Variants in DGKH observed in about 807,000 individuals in gnomAD.
DGKH encodes the protein diacylglycerol kinase eta.
Under a neutral mutation model 159.3 loss-of-function variants are expected in DGKH, and 90 were observed. That is an observed-to-expected ratio of 0.57 (90% CI 0.48 to 0.67). The LOEUF (loss-of-function observed/expected upper bound fraction) is 0.67. Among genes scored for constraint, DGKH ranks in the 30% least tolerant of loss-of-function variants. The probability of loss-of-function intolerance (pLI) is 0.00; values close to 1 mark genes in which losing one functional copy is unlikely to be tolerated. For synonymous variants in DGKH, 536 were observed against 553.8 expected (o/e 0.97, Z 0.45); for missense variants, 1,181 against 1,506.1 (o/e 0.78, Z 3.57).
intron 1 of DGKH, among the ~76,000 whole-genome samples, chr13:42,040,840 CG>C (rs1018409810): frequency 2.5e-4 from 36 of 146,710 alleles, no homozygotes; most frequent in African/African-American, 8.3e-4. Context: ...GGCGGGGACC[CG>C]GGTCTGCGCG....
upstream of DGKH, among the ~76,000 whole-genome samples, chr13:42,045,229 C>G (rs1307109044): frequency 6.6e-6 from 1 of 152,082 alleles, no homozygotes; most frequent in Admixed American, 6.5e-5. Flanking sequence ...GCCAGAGGAG[C>G]CTTTGAGCCC....
At chr13:42,053,725 TCTC>T (rs1238142699) in intron 1 of DGKH, among the ~76,000 whole-genome samples, 2 of 151,750 alleles carry the variant, frequency 1.3e-5, no homozygotes, top group Non-Finnish European at 2.9e-5. Flanking sequence ...TTCAAGCAAT[TCTC>T]CTGTCTCAGC....
chr13:42,178,070 C>A (rs1956650269), intron 12 of DGKH, 65 bp from the exon 13 acceptor site: 1 of 1,212,206 alleles, frequency 8.2e-7, no homozygotes, highest in South Asian at 1.7e-5. Flanking sequence ...ATTTCTGGAG[C>A]AGCAATAAGT....
chr13:42,204,811 A>T (rs1403519944), intron 20 of DGKH, among the ~76,000 whole-genome samples: 1 of 152,174 alleles, frequency 6.6e-6, no homozygotes, highest in Non-Finnish European at 1.5e-5. Context: ...ATTAAAGAAA[A>T]TATTGGTACT....
rs547369216 is a variant in DGKH at position 42,070,162 on chromosome 13, GCTT to G, written c.192+21203_192+21205del. The G allele has an allele frequency of 3.4e-4, 312 of 913,590 alleles. 2 individuals carry two copies. The highest frequency in any genetic ancestry group is 2.3e-3 in the Middle Eastern group (11 of 4,708). The allele number at this position is 913,590 out of a possible 1,614,324, so 56.6% of individuals were successfully genotyped here. On this transcript the variant is annotated intron_variant, in intron 1 of 29. Transcript: ENST00000337343. ...TATGCTCATGTAAGGATGGGAGAGC[GCTT>G]CTTCTGCTATTAACCAATCCATGGG... is the stretch of plus-strand genomic sequence containing the variant.
chr13:42,060,580 T>A (rs1030785082), intron 1 of DGKH, among the ~76,000 whole-genome samples: 3 of 152,200 alleles, frequency 2.0e-5, no homozygotes, highest in Non-Finnish European at 2.9e-5. Context: ...TGACTTTTTG[T>A]CTTGCTAATC....
chr13:42,198,659 G>GTTCTGT, intron 18 of DGKH, 64 bp downstream of exon 18: 1 of 1,266,880 alleles, frequency 7.9e-7, no homozygotes. Context: ...TTTTCAACAT[G>GTTCTGT]AACTGTAACA....
rs1957636590 is a variant in DGKH at position 42,210,767 on chromosome 13, T to A, written c.3014+2T>A. 6.2e-7 allele frequency: 1 copy of A among 1,608,616 alleles called. No individual in the cohort carries two copies. ...GGCTGCAGAGGAGCTCATTACTAGG[T>A]AGGGGGCTCTGCTGACTTTTCAGGC... On this transcript the variant is annotated splice_donor_variant, in intron 24 of 29. Coordinates refer to ENST00000337343, the MANE Select transcript of DGKH (RefSeq NM_178009.5). LOFTEE classifies it high-confidence loss of function.
intron 20 of DGKH, among the ~76,000 whole-genome samples, chr13:42,201,383 A>T (rs1022397106): frequency 1.3e-5 from 2 of 152,094 alleles, no homozygotes; most frequent in African/African-American, 4.8e-5. Flanking sequence ...GGTGAAATAG[A>T]TGGGTAAGTG....
chr13:42,155,710 G>T lies in DGKH; in HGVS notation c.533G>T (p.Trp178Leu), dbSNP rs763254069. Residue 178 changes from tryptophan to leucine, a missense_variant, in exon 5 of 30, where the codon TGG becomes TTG. Transcript: ENST00000337343. ...GAACATTTCTCAGGGATGCACAACTGGTACGCCTGCTCCCACGCCCGACCC... is the reference window on the plus strand; with the variant it reads ...GAACATTTCTCAGGGATGCACAACTTGTACGCCTGCTCCCACGCCCGACCC... ...NVEHFSGMHNWYACSHARPTF... is the reference protein window; with the variant it reads ...NVEHFSGMHNLYACSHARPTF... 1 of 1,614,108 alleles carries T rather than the reference G, an allele frequency of 6.2e-7. No homozygotes were observed. The highest frequency in any genetic ancestry group is 8.5e-7 in the Non-Finnish European group (1 of 1,180,024).
At chr13:42,142,211 T>C (rs959580597) in intron 3 of DGKH, among the ~76,000 whole-genome samples, 6 of 152,228 alleles carry the variant, frequency 3.9e-5, no homozygotes, top group Non-Finnish European at 5.9e-5. Context: ...GTTGTAGATA[T>C]GTGGCATTAT....
At position 42,189,192 on chromosome 13, in the gene DGKH, CT is replaced by C; in HGVS notation, c.1797del (p.Asp601MetfsTer24). The C allele has an allele frequency of 6.2e-7, 1 of 1,614,230 alleles. No individual in the cohort carries two copies. The highest frequency in any genetic ancestry group is 8.5e-7 in the Non-Finnish European group (1 of 1,180,044). On this transcript the variant is annotated frameshift_variant, in exon 15 of 30. Transcript: ENST00000337343. LOFTEE classifies it high-confidence loss of function. ...GTCCCTGGGTGAAAGCAAAGAGCAGCTTGGGGATGACGTTACAAAACCTTCC... is the reference window on the plus strand; with the variant it reads ...GTCCCTGGGTGAAAGCAAAGAGCAGCTGGGGATGACGTTACAAAACCTTCC... ...EESLGESKEQ[L>X]GDDVTKPSSQ...
At chr13:42,201,276 C>T (rs1957341030) in intron 20 of DGKH, among the ~76,000 whole-genome samples, 1 of 152,142 alleles carries the variant, frequency 6.6e-6, no homozygotes, top group African/African-American at 2.4e-5. Flanking sequence ...CTGGTGTGTG[C>T]CACCGTGCCC....
chr13:42,046,737 G>A (rs1433396087), upstream of DGKH, among the ~76,000 whole-genome samples: 2 of 152,182 alleles, frequency 1.3e-5, no homozygotes, highest in East Asian at 1.9e-4. Flanking sequence ...AACACATAAT[G>A]TATGAATAGA....
upstream of DGKH, among the ~76,000 whole-genome samples, chr13:42,047,882 T>C (rs1328324477): frequency 6.6e-6 from 1 of 152,210 alleles, no homozygotes; most frequent in Non-Finnish European, 1.5e-5. Flanking sequence ...GGGCTGCGTG[T>C]AGTCTCTTGT....
chr13:42,164,352 C>T (rs1186288061), intron 7 of DGKH, among the ~76,000 whole-genome samples: 2 of 152,276 alleles, frequency 1.3e-5, no homozygotes, highest in African/African-American at 4.8e-5. Flanking sequence ...TTAAAGCTAT[C>T]TGTGTGTGCT....
chr13:42,147,862 AC>A (rs1388054519), intron 3 of DGKH, among the ~76,000 whole-genome samples: 1 of 152,192 alleles, frequency 6.6e-6, no homozygotes, highest in Non-Finnish European at 1.5e-5. Flanking sequence ...TGCCTGGCTT[AC>A]ATAGACTTGC....
chr13:42,247,005 A>G (rs1234650975), downstream of DGKH, among the ~76,000 whole-genome samples: 1 of 152,182 alleles, frequency 6.6e-6, no homozygotes, highest in African/African-American at 2.4e-5. Context: ...CCACAAGATT[A>G]TAATGAAGCT....
chr13:42,164,030 G>A (rs529117929), intron 7 of DGKH, among the ~76,000 whole-genome samples: 49 of 151,866 alleles, frequency 3.2e-4, no homozygotes, highest in Non-Finnish European at 2.9e-4. Context: ...ATCTTGAATT[G>A]ATTTTTGTAT....
Sources: allele counts gnomAD v4.1 joint callset (sites outside exome capture counted in the v4.1 genomes callset), GRCh38; gene constraint gnomAD v4.1.1; transcripts MANE v1.5; gene names NCBI Gene and HGNC (gene_info 2026-07-23, HGNC 2026-07-21).